Variants in CFAP61 observed in about 807,000 individuals in gnomAD.
CFAP61 encodes the protein cilia- and flagella-associated protein 61.
CFAP61 carries 107 observed loss-of-function variants against 135.6 expected under a neutral mutation model. That is an observed-to-expected ratio of 0.79 (90% CI 0.67 to 0.93). CFAP61 has a LOEUF of 0.93. CFAP61 is among the 40% of genes least tolerant of loss of function. CFAP61 has a pLI of 0.00. For missense variants in CFAP61, 1,507 were observed against 1,556.2 expected (o/e 0.97, Z 0.53); for synonymous variants, 575 against 578.5 (o/e 0.99, Z 0.09).
At chr20:20,093,769 T>C (rs568669766) in intron 7 of CFAP61, among the ~76,000 whole-genome samples, 99 of 152,252 alleles carry the variant, frequency 6.5e-4, no homozygotes, top group African/African-American at 2.3e-3. Flanking sequence ...GTAGGTGAAT[T>C]ATATCAATTA....
chr20:20,346,133 C>A (rs1271172516), intron 26 of CFAP61, among the ~76,000 whole-genome samples: 1 of 135,508 alleles, frequency 7.4e-6, no homozygotes, highest in Non-Finnish European at 1.6e-5. Flanking sequence ...GATCTCCTGA[C>A]CTCATGATCC....
intron 18 of CFAP61, among the ~76,000 whole-genome samples, chr20:20,238,367 T>C (rs1359125588): frequency 6.6e-6 from 1 of 152,236 alleles, no homozygotes; most frequent in Admixed American, 6.5e-5. Flanking sequence ...CTAGGATTTA[T>C]TTTCATTGGC....
intron 17 of CFAP61, among the ~76,000 whole-genome samples, chr20:20,207,147 T>C (rs910282114): frequency 6.6e-6 from 1 of 152,216 alleles, no homozygotes; most frequent in Non-Finnish European, 1.5e-5. Flanking sequence ...CAGCAGCCTC[T>C]TGTGGTCCTG....
Position 20,223,404 on chromosome 20 carries a change from C to T in CFAP61, c.1933-4845C>T, listed in dbSNP as rs186040679. On this transcript the variant is annotated intron_variant, in intron 17 of 26. Coordinates refer to ENST00000245957, the MANE Select transcript of CFAP61 (RefSeq NM_015585.4). ...AGCTAATGACACCCAGGCTAATGAT[C>T]CCAAAGGTTGAATGTAACCTCCAAA... Among the ~76,000 whole-genome samples the T allele has an allele frequency of 3.0e-3, 457 of 152,180 alleles. 2 individuals are homozygous for T. Among genetic ancestry groups the T allele is most frequent in the South Asian group, 4.4e-3 (21 of 4,816 alleles).
chr20:20,128,339 C>A (rs1217091034), intron 8 of CFAP61, among the ~76,000 whole-genome samples: 2 of 151,736 alleles, frequency 1.3e-5, no homozygotes, highest in Admixed American at 6.6e-5. Context: ...CCTGGGAACC[C>A]AGCGAGTTCC....
chr20:20,084,281 TGTACATTTTACAA>T (rs1298072696), intron 6 of CFAP61, among the ~76,000 whole-genome samples: 2 of 152,254 alleles, frequency 1.3e-5, no homozygotes, highest in African/African-American at 4.8e-5. Context: ...AACATTCAGT[TGTACATTTTACAA>T]CTGTACATTT....
intron 10 of CFAP61, among the ~76,000 whole-genome samples, chr20:20,160,744 C>T (rs2053326870): frequency 6.6e-6 from 1 of 152,216 alleles, no homozygotes; most frequent in Admixed American, 6.5e-5. Context: ...TCCTCTAGCA[C>T]GTATTCTTCC....
Position 20,076,458 on chromosome 20 carries a change from C to T in CFAP61, c.566+843C>T, listed in dbSNP as rs375856795. Among the ~76,000 whole-genome samples the T allele has an allele frequency of 8.5e-5, 13 of 152,324 alleles. 1 individual carries two copies. Among genetic ancestry groups the T allele is most frequent in the African/African-American group, 3.1e-4 (13 of 41,574 alleles). On this transcript the variant is annotated intron_variant, in intron 6 of 26. Coordinates refer to ENST00000245957, the MANE Select transcript of CFAP61 (RefSeq NM_015585.4). ...CCCAGCCCAGGAGAGCCCCATATAT[C>T]TACAGCACAGCTGACATCTGATCGC...
At chr20:20,335,106 A>G (rs2058132693) in intron 25 of CFAP61, among the ~76,000 whole-genome samples, 1 of 152,222 alleles carries the variant, frequency 6.6e-6, no homozygotes, top group Non-Finnish European at 1.5e-5. Context: ...CCAGATGGGA[A>G]CATGTAGGAC....
chr20:20,058,923 A>G (rs1290460281), intron 2 of CFAP61, among the ~76,000 whole-genome samples: 1 of 152,208 alleles, frequency 6.6e-6, no homozygotes, highest in African/African-American at 2.4e-5. Context: ...TAGAATCAAC[A>G]AGAGAAATTA....
At chr20:20,067,365 G>A (rs900756772) in intron 2 of CFAP61, among the ~76,000 whole-genome samples, 3 of 151,988 alleles carry the variant, frequency 2.0e-5, no homozygotes, top group African/African-American at 2.4e-5. Context: ...GGTGGATCAC[G>A]AGGTCAAGAG....
At chr20:20,274,609 T>C (rs2053601450) in intron 21 of CFAP61, among the ~76,000 whole-genome samples, 1 of 151,962 alleles carries the variant, frequency 6.6e-6, no homozygotes, top group Non-Finnish European at 1.5e-5. Context: ...TTCACTGAGC[T>C]GAGATCGCGC....
chr20:20,121,495 T>C (rs76084814), intron 8 of CFAP61, among the ~76,000 whole-genome samples: 1,590 of 151,980 alleles, frequency 0.01, 19 homozygotes, highest in African/African-American at 0.036. Flanking sequence ...GTTTTTAAAA[T>C]TTTTAAATAT....
intron 24 of CFAP61, among the ~76,000 whole-genome samples, chr20:20,293,680 A>G (rs1247845338): frequency 1.3e-5 from 2 of 152,222 alleles, no homozygotes; most frequent in Non-Finnish European, 1.5e-5. Context: ...GTCGGAAGAT[A>G]CTGTAGTAAT....
intron 26 of CFAP61, among the ~76,000 whole-genome samples, chr20:20,345,883 CTTTTTTTTTTTTTTTTTTTT>C (rs756813997): frequency 2.0e-5 from 1 of 50,428 alleles, no homozygotes; most frequent in Admixed American, 3.6e-4. Context: ...GATTGTGCCA[CTTTTTTTTTTTTTTTTTTTT>C]TTTTTTTTTG....
chr20:20,153,070 C>A (rs2052588514), intron 9 of CFAP61, among the ~76,000 whole-genome samples: 1 of 152,034 alleles, frequency 6.6e-6, no homozygotes, highest in Admixed American at 6.5e-5. Context: ...CCAAAAGGAA[C>A]CCTCAAAACT....
intron 22 of CFAP61, among the ~76,000 whole-genome samples, chr20:20,281,110 T>A (rs886144180): frequency 2.0e-5 from 3 of 152,236 alleles, no homozygotes; most frequent in African/African-American, 7.2e-5. Flanking sequence ...ATTTTCTGTA[T>A]AAACATTGTA....
At chr20:20,168,750 AC>A (rs2054011010) in intron 12 of CFAP61, among the ~76,000 whole-genome samples, 1 of 152,184 alleles carries the variant, frequency 6.6e-6, no homozygotes. Context: ...GACATGCAAG[AC>A]CTCTTATGTC....
chr20:20,340,860 G>C (rs371377219), intron 25 of CFAP61, among the ~76,000 whole-genome samples: 5 of 152,124 alleles, frequency 3.3e-5, no homozygotes, highest in South Asian at 2.1e-4. Flanking sequence ...CCAGCGAGTG[G>C]GCGTGGGGTG....
Sources: allele counts gnomAD v4.1 joint callset (sites outside exome capture counted in the v4.1 genomes callset), GRCh38; gene constraint gnomAD v4.1.1; transcripts MANE v1.5; gene names NCBI Gene and HGNC (gene_info 2026-07-23, HGNC 2026-07-21).